The following KIF6 variants were observed in gnomAD, a reference collection of about 807,000 sequenced individuals.
KIF6 encodes kinesin-like protein KIF6.
In KIF6, 106 loss-of-function variants were observed where a neutral mutation model predicts 112.7. That is an observed-to-expected ratio of 0.94 (90% CI 0.80 to 1.11). The LOEUF is 1.11. KIF6 is among the 50% of genes least tolerant of loss of function. The pLI is 0.00. For synonymous variants in KIF6, 339 were observed against 339.9 expected (o/e 1.00, Z 0.03); for missense variants, 929 against 964.0 (o/e 0.96, Z 0.48).
chr6:39,667,227 A>T (rs1786528950), intron 3 of KIF6, among the ~76,000 whole-genome samples: 1 of 146,232 alleles, frequency 6.8e-6, no homozygotes, highest in South Asian at 2.4e-4. Context: ...GGCCATCTGA[A>T]AGCCAGCGAC....
intron 13 of KIF6, among the ~76,000 whole-genome samples, chr6:39,520,908 T>C (rs1777360227): frequency 6.6e-6 from 1 of 152,292 alleles, no homozygotes; most frequent in East Asian, 1.9e-4. Context: ...AGCAGAGTGG[T>C]AAATTCTGGT....
intron 13 of KIF6, among the ~76,000 whole-genome samples, chr6:39,503,896 G>T (rs951997821): frequency 3.3e-5 from 5 of 149,630 alleles, no homozygotes; most frequent in Non-Finnish European, 7.4e-5. Flanking sequence ...CCCAGGACCA[G>T]AAAGATTCAT....
At chr6:39,556,928 T>G (rs569351035) in intron 10 of KIF6, among the ~76,000 whole-genome samples, 1 of 152,200 alleles carries the variant, frequency 6.6e-6, no homozygotes, top group Non-Finnish European at 1.5e-5. Context: ...GGTTCTGTCT[T>G]GTATGAAATT....
chr6:39,432,088 T>C lies in KIF6; in HGVS notation c.1646-927A>G, dbSNP rs144400322. On this transcript the variant is annotated intron_variant, in intron 13 of 22. Transcript: ENST00000287152. ...GGCAGAACAAACCCTCTTTTCACCA[T>C]GTTCCTTATCAATACACCTATAATA... 2.3e-3 allele frequency among the ~76,000 whole-genome samples: 344 copies of C among 152,282 alleles called. 1 individual carries two copies. The highest frequency in any genetic ancestry group is 7.6e-3 in the African/African-American group (316 of 41,566).
intron 5 of KIF6, among the ~76,000 whole-genome samples, chr6:39,624,925 C>A (rs1784012615): frequency 6.6e-6 from 1 of 152,342 alleles, no homozygotes; most frequent in East Asian, 1.9e-4. Flanking sequence ...GCCCTAACTT[C>A]CAATGTGATG....
chr6:39,400,781 G>A (rs1036275133), intron 15 of KIF6, among the ~76,000 whole-genome samples: 4 of 152,340 alleles, frequency 2.6e-5, no homozygotes, highest in Admixed American at 2.0e-4. Context: ...TCTCTTTGCA[G>A]TCAAGGGTAT....
intron 17 of KIF6, among the ~76,000 whole-genome samples, chr6:39,361,818 T>C (rs1407203760): frequency 1.1e-5 from 1 of 93,668 alleles, no homozygotes; most frequent in African/African-American, 4.0e-5. Flanking sequence ...AGCTGGGGGT[T>C]GGGGTGGGGC....
At chr6:39,710,342 A>T (rs1789473669) in intron 3 of KIF6, among the ~76,000 whole-genome samples, 1 of 152,164 alleles carries the variant, frequency 6.6e-6, no homozygotes, top group African/African-American at 2.4e-5. Flanking sequence ...TCAAACAGAC[A>T]AACGCATTCT....
At chr6:39,384,454 G>T (rs1233150086) in intron 16 of KIF6, among the ~76,000 whole-genome samples, 1 of 152,166 alleles carries the variant, frequency 6.6e-6, no homozygotes, top group South Asian at 2.1e-4. Context: ...AGTCTCTGGC[G>T]CTGGGAGGGC....
At chr6:39,708,386 A>G (rs987941826) in intron 3 of KIF6, among the ~76,000 whole-genome samples, 1 of 152,200 alleles carries the variant, frequency 6.6e-6, no homozygotes, top group Non-Finnish European at 1.5e-5. Flanking sequence ...TGCTCCTGAT[A>G]ATGTTCATCA....
At chr6:39,524,152 AAGAGAG>A (rs59374171) in intron 13 of KIF6, among the ~76,000 whole-genome samples, 8 of 149,440 alleles carry the variant, frequency 5.4e-5, no homozygotes, top group Non-Finnish European at 8.9e-5. Context: ...GTGTGTGTGA[AAGAGAG>A]AGAGAGAGAG....
intron 5 of KIF6, among the ~76,000 whole-genome samples, chr6:39,621,689 C>T (rs550816215): frequency 2.6e-4 from 40 of 152,296 alleles, no homozygotes; most frequent in Non-Finnish European, 4.0e-4. Flanking sequence ...TAAATAGCAA[C>T]TTCCTTGAAG....
chr6:39,672,929 T>G (rs576684256), intron 3 of KIF6, among the ~76,000 whole-genome samples: 19 of 152,064 alleles, frequency 1.2e-4, no homozygotes, highest in South Asian at 4.1e-4. Flanking sequence ...AGAAATTGGT[T>G]GAAAGAAACT....
chr6:39,583,615 TTGG>T (rs1408351781), intron 9 of KIF6: 1 of 339,878 alleles, frequency 2.9e-6, no homozygotes, highest in Non-Finnish European at 6.3e-6. Context: ...AATTAATTTG[TTGG>T]TTTTTTTTTG....
chr6:39,401,857 TCTC>T (rs1211940976), intron 15 of KIF6, among the ~76,000 whole-genome samples: 1 of 152,064 alleles, frequency 6.6e-6, no homozygotes, highest in Non-Finnish European at 1.5e-5. Flanking sequence ...GTTAATATAG[TCTC>T]TTACAAACAA....
chr6:39,503,513 TC>T (rs1332983720), intron 13 of KIF6, among the ~76,000 whole-genome samples: 4 of 148,352 alleles, frequency 2.7e-5, no homozygotes, highest in South Asian at 4.4e-4. Context: ...GAAAACCCCT[TC>T]AAAAAAAAAT....
At chr6:39,382,657 G>T (rs1272256029) in intron 16 of KIF6, among the ~76,000 whole-genome samples, 2 of 152,120 alleles carry the variant, frequency 1.3e-5, no homozygotes. Flanking sequence ...TTGGTAGAAT[G>T]ATTTATTTTT....
intron 3 of KIF6, among the ~76,000 whole-genome samples, chr6:39,646,694 A>C (rs1275654301): frequency 2.6e-5 from 4 of 152,248 alleles, no homozygotes; most frequent in Non-Finnish European, 5.9e-5. Flanking sequence ...GGTACTAAGG[A>C]CAAATTTTTT....
chr6:39,721,416 A>C (rs1790209870), intron 1 of KIF6, among the ~76,000 whole-genome samples: 1 of 152,184 alleles, frequency 6.6e-6, no homozygotes, highest in Non-Finnish European at 1.5e-5. Flanking sequence ...CTAATTAGCA[A>C]GTGACCTGGG....
Sources: gnomAD v4.1 joint callset for allele counts (sites outside exome capture counted in the v4.1 genomes callset) on GRCh38, gnomAD v4.1.1 for gene constraint, MANE v1.5 for transcripts, NCBI Gene and HGNC (gene_info 2026-07-23, HGNC 2026-07-21) for gene names.